PRMT7: variants seen among roughly 807,000 people sequenced by gnomAD.
The protein encoded by PRMT7 is protein arginine methyltransferase 7.
A neutral mutation model predicts 85.4 loss-of-function variants in PRMT7; 75 were observed. The ratio of observed to expected loss-of-function variants is 0.88; its 90% CI spans 0.73 to 1.06. The LOEUF (loss-of-function observed/expected upper bound fraction) is 1.06. Ranked by LOEUF, PRMT7 falls within the 50% of genes least tolerant of loss-of-function variation. The pLI is 0.00. For missense variants in PRMT7, 868 were observed against 915.2 expected (o/e 0.95, Z 0.67); for synonymous variants, 397 against 359.5 (o/e 1.10, Z -1.18).
intron 14 of PRMT7, among the ~76,000 whole-genome samples, chr16:68,348,917 G>A (rs1443579667): frequency 6.6e-6 from 1 of 152,108 alleles, no homozygotes; most frequent in Non-Finnish European, 1.5e-5. Context: ...GGGGTTACAG[G>A]CATGAGCCAC....
rs147723326 is a variant in PRMT7 at position 68,345,728 on chromosome 16, G to A, written c.981G>A (p.Val327=). The change falls in exon 10 of 19, where the codon GTG becomes GTA. Residue 327 remains valine, a synonymous_variant. Coordinates refer to ENST00000441236, the MANE Select transcript of PRMT7 (RefSeq NM_019023.5). The stretch of plus-strand genomic sequence containing the variant: ...ACTTCCTGCCACAAGAGGAGCCTGT[G>A]GTGCAGGGCTCAGCGCTCTATCTGG... The part of the protein sequence containing the change: ...CVYFLPQEEP[V]VQGSALYLVA... 171 of 1,614,070 alleles carry A rather than the reference G, an allele frequency of 1.1e-4. 1 individual carries two copies. In the African/African-American group the frequency reaches 2.0e-3, roughly 19 times the overall value.
intron 9 of PRMT7, among the ~76,000 whole-genome samples, chr16:68,344,951 C>CAT (rs1170838617): frequency 2.7e-4 from 34 of 123,806 alleles, no homozygotes; most frequent in Non-Finnish European, 5.6e-4. Flanking sequence ...CACACACACA[C>CAT]ACACACGGGC....
chr16:68,337,637 T>A, intron 7 of PRMT7, 66 bp downstream of exon 7: 2 of 1,099,278 alleles, frequency 1.8e-6, no homozygotes, highest in South Asian at 1.5e-5. Context: ...CACTCACTCA[T>A]GCACCGTGTC....
chr16:68,355,624 C>A, intron 16 of PRMT7, 99 bp from the exon 17 acceptor site: 1 of 1,276,034 alleles, frequency 7.8e-7, no homozygotes, highest in Non-Finnish European at 1.0e-6. Flanking sequence ...GAACGCACAC[C>A]CCTTGTGACT....
At chr16:68,339,710 GT>G in intron 8 of PRMT7, 77 bp from the exon 9 acceptor site, 1 of 1,573,270 alleles carries the variant, frequency 6.4e-7, no homozygotes, top group Non-Finnish European at 8.7e-7. Flanking sequence ...GTCATTGCCA[GT>G]GAAGTCACTG....
downstream of PRMT7, chr16:68,360,248 G>C (rs2089172045): frequency 6.6e-6 from 1 of 152,484 alleles, no homozygotes; most frequent in African/African-American, 2.4e-5. Flanking sequence ...GCAGAAAGAA[G>C]AGGATGTGTT....
Position 68,316,212 on chromosome 16 carries a change from TCTGCTC to T in PRMT7, c.95+139_95+144del. On this transcript the variant is annotated intron_variant, in intron 3 of 18. Transcript: ENST00000441236. ...AGGGCTGGTGTTGGTCCTGAGCAGGTCTGCTCAGCCAGGTAGGTATATGTAGCAGTT... is the reference window on the plus strand; with the variant it reads ...AGGGCTGGTGTTGGTCCTGAGCAGGTAGCCAGGTAGGTATATGTAGCAGTT... The T allele has an allele frequency of 5.5e-6, 4 of 721,970 alleles. No homozygotes were observed. The South Asian group carries it at 6.7e-5, about 12-fold the overall frequency. 44.7% of individuals were successfully genotyped at this position (721,970 alleles called of 1,614,324 possible).
chr16:68,359,357 G>C (rs545317412), downstream of PRMT7: 1 of 152,416 alleles, frequency 6.6e-6, no homozygotes, highest in Non-Finnish European at 1.5e-5. Flanking sequence ...CAGGATGCTC[G>C]CCCTCAGCAG....
In PRMT7 at chr16:68,357,245, G is replaced by A. The variant is rs375204467; in HGVS notation, c.*21G>A. On this transcript the variant is annotated 3_prime_UTR_variant, in exon 19 of 19. Transcript: ENST00000441236. Reference sequence around the variant, plus strand: ...ACTGACCACTCTTGAGCAATAAAGTGGCCTGAGGGCTGGGGTTCTGAGTGG... The same window carrying A: ...ACTGACCACTCTTGAGCAATAAAGTAGCCTGAGGGCTGGGGTTCTGAGTGG... 20 of 1,593,258 alleles carry A rather than the reference G, an allele frequency of 1.3e-5. No individual in the cohort carries two copies. The African/African-American group carries it at 2.4e-4, about 19-fold the overall frequency.
Position 68,353,580 on chromosome 16 carries a change from C to T in PRMT7, c.1650+14C>T, listed in dbSNP as rs750190724. 3.2e-6 allele frequency: 5 copies of T among 1,566,418 alleles called. No individual in the cohort carries two copies. In the South Asian group the frequency reaches 4.8e-5, roughly 15 times the overall value. ...GACATGATTAAGGTAGGCAGGGCCA[C>T]ACTCTGCATAGTACCCCCGACCTGC... On this transcript the variant is annotated intron_variant, in intron 16 of 18. Transcript: ENST00000441236.
chr16:68,323,381 G>A (rs2082733590), intron 4 of PRMT7, among the ~76,000 whole-genome samples: 1 of 151,868 alleles, frequency 6.6e-6, no homozygotes, highest in Admixed American at 6.6e-5. Context: ...ACCATGCCTG[G>A]CTAATTTTTT....
In PRMT7 at chr16:68,345,552, A is replaced by C. The variant is rs2086226674; in HGVS notation, c.928-123A>C. The C allele has an allele frequency of 2.9e-6, 4 of 1,394,102 alleles. No homozygotes were observed. In the African/African-American group the frequency reaches 5.7e-5, roughly 20 times the overall value. The allele number at this position is 1,394,102 out of a possible 1,614,324, so 86.4% of individuals were successfully genotyped here. ...GTTTATTTATCTCCTTGGCCACAATAGCCAGCTGTAGTCTACATTGTGGAC... is the reference window on the plus strand; with the variant it reads ...GTTTATTTATCTCCTTGGCCACAATCGCCAGCTGTAGTCTACATTGTGGAC... On this transcript the variant is annotated intron_variant, in intron 9 of 18. Transcript: ENST00000441236.
chr16:68,318,258 G>T (rs2082102322), intron 3 of PRMT7, among the ~76,000 whole-genome samples: 1 of 147,220 alleles, frequency 6.8e-6, no homozygotes, highest in African/African-American at 2.5e-5. Context: ...AAAGTGCAGT[G>T]GCACGATCTC....
At chr16:68,342,775 GTGTGTCCAGCCAGGGCCTGCCAGCA>G in intron 9 of PRMT7, among the ~76,000 whole-genome samples, 1 of 152,224 alleles carries the variant, frequency 6.6e-6, no homozygotes, top group East Asian at 1.9e-4. Flanking sequence ...CCGGGTGTGT[GTGTGTCCAGCCAGGGCCTGCCAGCA>G]TCCCTCTGCA....
chr16:68,324,537 C>A, intron 4 of PRMT7, 146 bp from the exon 5 acceptor site: 1 of 932,006 alleles, frequency 1.1e-6, no homozygotes, highest in Non-Finnish European at 1.6e-6. Flanking sequence ...CTGCCCAACT[C>A]AGCCAGAGCT....
intron 6 of PRMT7, among the ~76,000 whole-genome samples, chr16:68,336,955 G>C (rs2084785039): frequency 6.6e-6 from 1 of 152,212 alleles, no homozygotes; most frequent in Non-Finnish European, 1.5e-5. Context: ...GTTTCGCCAT[G>C]ATGGCCAGGC....
At chr16:68,311,435 C>T (rs539224164) in intron 1 of PRMT7, 6 of 237,646 alleles carry the variant, frequency 2.5e-5, no homozygotes, top group Non-Finnish European at 4.3e-5. Flanking sequence ...GTTGTCTTTG[C>T]CACTCACTGT....
chr16:68,349,949 A>G (rs1205746777), intron 14 of PRMT7, among the ~76,000 whole-genome samples: 1 of 152,158 alleles, frequency 6.6e-6, no homozygotes, highest in Non-Finnish European at 1.5e-5. Context: ...AATTCCTGGG[A>G]GCCTGTTGAT....
At position 68,339,811 on chromosome 16, in the gene PRMT7, G is replaced by T. The variant is rs1271940496; in HGVS notation, c.770G>T (p.Ser257Ile). The stretch of plus-strand genomic sequence containing the variant: ...AGCATAGACTTCAGCAAGCAAGTCA[G>T]TAGCTCAGCAGCCTGCCATAGCAGG... ...MFSIDFSKQVSSSAACHSRRF... is the reference protein window; with the variant it reads ...MFSIDFSKQVISSAACHSRRF... The change falls in exon 9 of 19, where the codon AGT becomes ATT. Residue 257 changes from serine to isoleucine, a missense_variant. By Grantham distance (142) the Ser-to-Ile change is moderately radical. Transcript: ENST00000441236. 6.2e-7 allele frequency: 1 copy of T among 1,614,042 alleles called. No homozygotes were observed. Among genetic ancestry groups the T allele is most frequent in the Admixed American group, 1.7e-5 (1 of 60,028 alleles).
Sources: allele counts gnomAD v4.1 joint callset (sites outside exome capture counted in the v4.1 genomes callset), GRCh38; gene constraint gnomAD v4.1.1; transcripts MANE v1.5; gene names NCBI Gene and HGNC (gene_info 2026-07-23, HGNC 2026-07-21).